Variants in VPS53 observed in about 807,000 individuals in gnomAD.
The protein encoded by VPS53 is VPS53 subunit of GARP complex, also known as vacuolar protein sorting-associated protein 53 homolog.
In VPS53, 70 loss-of-function variants were observed where a neutral mutation model predicts 107.0. That is an observed-to-expected ratio of 0.65 (90% CI 0.54 to 0.80). The LOEUF is 0.80. VPS53 is among the 30% of genes least tolerant of loss of function. The pLI is 0.00. For missense variants in VPS53, 917 were observed against 1,049.4 expected (o/e 0.87, Z 1.74); for synonymous variants, 409 against 393.3 (o/e 1.04, Z -0.47).
At chr17:531,776 T>A (rs1444185260) in intron 19 of VPS53, among the ~76,000 whole-genome samples, 1 of 129,176 alleles carries the variant, frequency 7.7e-6, no homozygotes, top group Non-Finnish European at 1.6e-5. Flanking sequence ...ATTTATTCTT[T>A]TTTTTTTTTT....
intron 13 of VPS53, among the ~76,000 whole-genome samples, chr17:569,274 A>G (rs1007105202): frequency 1.3e-5 from 2 of 152,210 alleles, no homozygotes; most frequent in Non-Finnish European, 2.9e-5. Flanking sequence ...ACAGACACTA[A>G]TGGAAAAACT....
intron 13 of VPS53, among the ~76,000 whole-genome samples, chr17:571,711 T>C (rs529776403): frequency 5.9e-5 from 9 of 152,274 alleles, no homozygotes; most frequent in African/African-American, 1.9e-4. Context: ...CCTGACTGGT[T>C]TTCGTATTTT....
intron 2 of VPS53, among the ~76,000 whole-genome samples, chr17:706,620 A>C (rs1973412004): frequency 6.6e-6 from 1 of 152,194 alleles, no homozygotes; most frequent in African/African-American, 2.4e-5. Context: ...TTAACTATCA[A>C]GATAGACTAT....
intron 7 of VPS53, among the ~76,000 whole-genome samples, chr17:638,165 A>T (rs4968097): frequency 0.99 from 150,919 of 152,310 alleles, 74,790 homozygotes; most frequent in East Asian, 1. Flanking sequence ...TTTACCATTA[A>T]GTAATGGCCT....
At chr17:670,993 G>C (rs1254178314) in intron 4 of VPS53, among the ~76,000 whole-genome samples, 2 of 152,144 alleles carry the variant, frequency 1.3e-5, no homozygotes, top group African/African-American at 4.8e-5. Context: ...CACTTTCGGA[G>C]GCCGAGGCAG....
chr17:509,529 G>T lies in VPS53; in HGVS notation c.*9599C>A. The T allele has an allele frequency of 6.4e-6, 1 of 155,142 alleles. No individual in the cohort carries two copies. Among genetic ancestry groups the T allele is most frequent in the Non-Finnish European group, 1.4e-5 (1 of 72,062 alleles). The allele number at this position is 155,142 out of a possible 1,614,324, so 9.6% of individuals were successfully genotyped here. A position where few individuals can be genotyped will look rare whatever the true frequency, so the allele number is the denominator to read the frequency against. ...CTTACTAGTCACATATCAAATCCTGGCTCGCCCCTCAGTAGCCACATATCA... is the reference window on the plus strand; with the variant it reads ...CTTACTAGTCACATATCAAATCCTGTCTCGCCCCTCAGTAGCCACATATCA... On this transcript the variant is annotated 3_prime_UTR_variant, in exon 22 of 22. Coordinates refer to ENST00000437048, the MANE Select transcript of VPS53 (RefSeq NM_001128159.3).
chr17:688,923 A>C (rs1972684486), intron 4 of VPS53, among the ~76,000 whole-genome samples: 1 of 152,254 alleles, frequency 6.6e-6, no homozygotes, highest in Non-Finnish European at 1.5e-5. Context: ...GACATGCTGA[A>C]AAGTACAACG....
chr17:692,426 G>T (rs1427117819), intron 4 of VPS53, among the ~76,000 whole-genome samples: 1 of 152,176 alleles, frequency 6.6e-6, no homozygotes, highest in Non-Finnish European at 1.5e-5. Flanking sequence ...CTGGTTAGAA[G>T]AGGTCACAGA....
At chr17:632,799 T>C in intron 7 of VPS53, 1 of 456,320 alleles carries the variant, frequency 2.2e-6, no homozygotes, top group Non-Finnish European at 4.4e-6. Context: ...TCATTTCACA[T>C]CACGTCCAGT....
intron 2 of VPS53, among the ~76,000 whole-genome samples, chr17:709,000 T>G (rs548303781): frequency 1.3e-5 from 2 of 152,220 alleles, no homozygotes; most frequent in African/African-American, 4.8e-5. Flanking sequence ...CTGGAAGAGA[T>G]ACCTAGCTGC....
chr17:641,048 G>A (rs924957530), intron 7 of VPS53, among the ~76,000 whole-genome samples: 1 of 152,078 alleles, frequency 6.6e-6, no homozygotes, highest in African/African-American at 2.4e-5. Flanking sequence ...TAGAGACAGG[G>A]TTTCACCATG....
intron 2 of VPS53, among the ~76,000 whole-genome samples, chr17:709,347 G>T (rs1973550517): frequency 6.6e-6 from 1 of 152,184 alleles, no homozygotes; most frequent in Non-Finnish European, 1.5e-5. Context: ...GACCAGATTT[G>T]TCATGTTTAC....
At chr17:655,312 T>C (rs1316770358) in intron 6 of VPS53, among the ~76,000 whole-genome samples, 1 of 150,974 alleles carries the variant, frequency 6.6e-6, no homozygotes, top group African/African-American at 2.4e-5. Context: ...GAAATCTACT[T>C]TATAAAAAAA....
Position 714,811 on chromosome 17 carries a change from G to C in VPS53, c.-102C>G. ...GCAACTCCCTCGCGGCAGCGACCTG[G>C]TGAGCCCGGCTCCGTCAGCCGCTCT... On this transcript the variant is annotated 5_prime_UTR_variant, in exon 1 of 22. Transcript: ENST00000437048. The C allele has an allele frequency of 8.2e-6, 11 of 1,334,872 alleles. No homozygotes were observed. Among genetic ancestry groups the C allele is most frequent in the South Asian group, 2.4e-5 (2 of 84,966 alleles). 82.7% of individuals were successfully genotyped at this position (1,334,872 alleles called of 1,614,324 possible). A position where few individuals can be genotyped will look rare whatever the true frequency, so the allele number is the denominator to read the frequency against.
At chr17:549,393 G>A (rs1446105592) in intron 17 of VPS53, among the ~76,000 whole-genome samples, 2 of 152,002 alleles carry the variant, frequency 1.3e-5, no homozygotes, top group Non-Finnish European at 2.9e-5. Flanking sequence ...GCGTTCCCAA[G>A]TCTGTGGTTT....
At chr17:681,469 T>C (rs1250725576) in intron 4 of VPS53, among the ~76,000 whole-genome samples, 1 of 152,196 alleles carries the variant, frequency 6.6e-6, no homozygotes, top group African/African-American at 2.4e-5. Context: ...GTGGCACTGC[T>C]GGGGTGTCTC....
intron 11 of VPS53, among the ~76,000 whole-genome samples, chr17:621,877 C>T (rs62056503): frequency 0.078 from 11,824 of 152,134 alleles, 577 homozygotes; most frequent in Non-Finnish European, 0.11. Flanking sequence ...TTCTTCATGG[C>T]TTTTGGGTTT....
chr17:539,139 A>C (rs1597263411), intron 17 of VPS53: 1 of 152,338 alleles, frequency 6.6e-6, no homozygotes, highest in East Asian at 1.9e-4. Context: ...CCAAGCTGGC[A>C]GCTTTGTATA....
intron 4 of VPS53, among the ~76,000 whole-genome samples, chr17:672,813 T>A (rs1186257146): frequency 6.6e-6 from 1 of 151,926 alleles, no homozygotes; most frequent in Non-Finnish European, 1.5e-5. Context: ...CAAAGAGCGA[T>A]GAATAAAGAA....
Sources: gnomAD v4.1 joint callset for allele counts (sites outside exome capture counted in the v4.1 genomes callset) on GRCh38, gnomAD v4.1.1 for gene constraint, MANE v1.5 for transcripts, NCBI Gene and HGNC (gene_info 2026-07-23, HGNC 2026-07-21) for gene names.